SEMA4D: variants seen among roughly 807,000 people sequenced by gnomAD.
SEMA4D encodes the protein semaphorin 4D.
SEMA4D carries 22 observed loss-of-function variants against 74.8 expected under a neutral mutation model. The ratio of observed to expected loss-of-function variants is 0.29; its 90% CI spans 0.21 to 0.42. The LOEUF is 0.42. Among genes scored for constraint, SEMA4D ranks in the 10% least tolerant of loss-of-function variants. SEMA4D has a pLI of 1.00. For missense variants in SEMA4D, 937 were observed against 1,118.4 expected, an observed-to-expected ratio of 0.84 and a Z score of 2.31; for synonymous variants, 445 against 463.7, an observed-to-expected ratio of 0.96 and a Z score of 0.52.
At chr9:89,424,750 A>T (rs945010304) in intron 2 of SEMA4D, among the ~76,000 whole-genome samples, 12 of 151,506 alleles carry the variant, frequency 7.9e-5, no homozygotes, top group African/African-American at 2.9e-4. Flanking sequence ...CCCTCCTGTG[A>T]GGCCTCCACC....
rs201372270 is a variant in SEMA4D at position 89,381,137 on chromosome 9, T to C, written c.1619+37A>G. 3.6e-5 allele frequency: 58 copies of C among 1,614,080 alleles called. 1 individual carries two copies. The African/African-American group carries it at 4.7e-4, about 13-fold the overall frequency. On this transcript the variant is annotated intron_variant, in intron 14 of 15. Coordinates refer to ENST00000422704, the MANE Select transcript of SEMA4D (RefSeq NM_001371194.2). The surrounding 1 kb of genome is among the most constrained non-coding windows in gnomAD (Gnocchi z 4.6). ...GGCACGTGTTATTCACCCACACACATGGGGGACATCCCCAGGCAGCGCATC... is the reference window on the plus strand; with the variant it reads ...GGCACGTGTTATTCACCCACACACACGGGGGACATCCCCAGGCAGCGCATC...
rs551941854 is a variant in SEMA4D at position 89,418,878 on chromosome 9, G to A, written c.-243-13179C>T. The A allele has an allele frequency of 5.9e-5, 9 of 152,340 alleles. No homozygotes were observed. In the South Asian group the frequency reaches 8.3e-4, roughly 14 times the overall value. 9.4% of individuals were successfully genotyped at this position (152,340 alleles called of 1,614,324 possible). ...ACTCCAGCATATTCTGTGGTGAGGAGGGTTTCTTTTTTGTTTGCCTTTTGC... is the reference window on the plus strand; with the variant it reads ...ACTCCAGCATATTCTGTGGTGAGGAAGGTTTCTTTTTTGTTTGCCTTTTGC... On this transcript the variant is annotated intron_variant, in intron 2 of 15. Transcript: ENST00000422704.
intron 9 of SEMA4D, among the ~76,000 whole-genome samples, chr9:89,390,172 G>A (rs1267903607): frequency 6.6e-6 from 1 of 152,206 alleles, no homozygotes; most frequent in South Asian, 2.1e-4. Flanking sequence ...TTGGCTTCCC[G>A]ATGGCAGGGG....
intron 2 of SEMA4D, among the ~76,000 whole-genome samples, chr9:89,440,650 T>C (rs972953672): frequency 2.0e-5 from 3 of 152,214 alleles, no homozygotes; most frequent in African/African-American, 2.4e-5. Context: ...GCAAGACTTA[T>C]TCATGTTCCT....
intron 1 of SEMA4D, among the ~76,000 whole-genome samples, chr9:89,478,489 A>G (rs765501859): frequency 5.3e-5 from 8 of 152,122 alleles, no homozygotes; most frequent in Non-Finnish European, 1.0e-4. Flanking sequence ...AACTGGGAGA[A>G]TAAGTTTCTG....
chr9:89,478,732 C>T (rs1401171214), intron 1 of SEMA4D, among the ~76,000 whole-genome samples: 1 of 152,000 alleles, frequency 6.6e-6, no homozygotes, highest in Admixed American at 6.6e-5. Flanking sequence ...ACTCTCCCAC[C>T]CAAAACCTGA....
chr9:89,465,055 C>T (rs60216137), intron 1 of SEMA4D, among the ~76,000 whole-genome samples: 19,737 of 152,212 alleles, frequency 0.13, 1,353 homozygotes, highest in Middle Eastern at 0.22. Context: ...CACTGACCAA[C>T]CTGTCAGGGG....
intron 5 of SEMA4D, among the ~76,000 whole-genome samples, chr9:89,398,147 C>T (rs1482395236): frequency 1.3e-5 from 2 of 152,070 alleles, no homozygotes; most frequent in African/African-American, 2.4e-5. Flanking sequence ...CGCCGTCTCC[C>T]GATTGGTTCT....
At chr9:89,437,717 GCAACGTGA>G (rs1455083770) in intron 2 of SEMA4D, among the ~76,000 whole-genome samples, 3 of 152,156 alleles carry the variant, frequency 2.0e-5, no homozygotes, top group African/African-American at 7.2e-5. Flanking sequence ...AAGGAAGGTA[GCAACGTGA>G]CTTGAGCAGG....
intron 1 of SEMA4D, among the ~76,000 whole-genome samples, chr9:89,480,815 A>G (rs926405014): frequency 7.9e-5 from 12 of 152,118 alleles, no homozygotes; most frequent in African/African-American, 2.4e-4. Flanking sequence ...ACACCTCCCT[A>G]CAAACTGGGG....
intron 4 of SEMA4D, among the ~76,000 whole-genome samples, chr9:89,400,679 C>T (rs1265008385): frequency 3.9e-5 from 6 of 152,216 alleles, no homozygotes; most frequent in Non-Finnish European, 7.3e-5. Flanking sequence ...CAGATGATTT[C>T]GTCAACTCGC....
intron 2 of SEMA4D, among the ~76,000 whole-genome samples, chr9:89,452,207 CT>C: frequency 7.5e-6 from 1 of 132,566 alleles, no homozygotes; most frequent in African/African-American, 3.0e-5. Context: ...GAGATGGAGT[CT>C]CGCTCTGTCA....
chr9:89,442,350 C>G (rs1851859653), intron 2 of SEMA4D, among the ~76,000 whole-genome samples: 1 of 152,220 alleles, frequency 6.6e-6, no homozygotes, highest in Non-Finnish European at 1.5e-5. Context: ...CTGCTCTTTC[C>G]AAGCTTGCCA....
rs771483991 is a variant in SEMA4D, at chr9:89,487,028, AC to A, written c.-310+10890del. Among the ~76,000 whole-genome samples the A allele has an allele frequency of 3.9e-5, 6 of 152,256 alleles. No individual in the cohort carries two copies. In the South Asian group the frequency reaches 1.2e-3, roughly 32 times the overall value. ...CTTCTCAAATCATTGTGTGGGGCAAACTTTACTTTGATACCAATATAAAATA... is the reference window on the plus strand; with the variant it reads ...CTTCTCAAATCATTGTGTGGGGCAAATTTACTTTGATACCAATATAAAATA... On this transcript the variant is annotated intron_variant, in intron 1 of 15. Transcript: ENST00000422704.
At chr9:89,415,167 AAT>A (rs1428896295) in intron 2 of SEMA4D, among the ~76,000 whole-genome samples, 6 of 152,114 alleles carry the variant, frequency 3.9e-5, no homozygotes, top group Admixed American at 2.6e-4. Flanking sequence ...GGATACAGAC[AAT>A]ACTGTCTTTT....
intron 1 of SEMA4D, among the ~76,000 whole-genome samples, chr9:89,478,478 G>A (rs1476625525): frequency 2.0e-5 from 3 of 152,152 alleles, no homozygotes; most frequent in African/African-American, 7.2e-5. Flanking sequence ...CTGACCTCCA[G>A]AACTGGGAGA....
At chr9:89,490,813 T>C (rs1358806964) in intron 1 of SEMA4D, among the ~76,000 whole-genome samples, 1 of 152,092 alleles carries the variant, frequency 6.6e-6, no homozygotes, top group African/African-American at 2.4e-5. Flanking sequence ...TGCAGATCAG[T>C]AATTGCTGGG....
intron 1 of SEMA4D, among the ~76,000 whole-genome samples, chr9:89,462,093 T>C (rs1456822463): frequency 6.6e-6 from 1 of 152,178 alleles, no homozygotes; most frequent in Admixed American, 6.5e-5. Context: ...AAACGTGGTT[T>C]GGGTTAAGAA....
intron 1 of SEMA4D, among the ~76,000 whole-genome samples, chr9:89,467,765 TG>T (rs1032854987): frequency 4.6e-5 from 7 of 152,042 alleles, no homozygotes; most frequent in African/African-American, 1.7e-4. Flanking sequence ...CTTCTGACCT[TG>T]TGATCCACCT....
Sources: allele counts gnomAD v4.1 joint callset (sites outside exome capture counted in the v4.1 genomes callset), GRCh38; gene constraint gnomAD v4.1.1; non-coding constraint Gnocchi (gnomAD v3.1); transcripts MANE v1.5; gene names NCBI Gene and HGNC (gene_info 2026-07-23, HGNC 2026-07-21).